SAMHD1: variants seen among roughly 807,000 people sequenced by gnomAD.
The protein encoded by SAMHD1 is deoxynucleoside triphosphate triphosphohydrolase SAMHD1.
In SAMHD1, 54 loss-of-function variants were observed where a neutral mutation model predicts 79.6. The observed-to-expected ratio is 0.68, with a 90% CI of 0.55 to 0.85. SAMHD1 has a LOEUF of 0.85. SAMHD1 is among the 40% of genes least tolerant of loss of function. SAMHD1 has a pLI of 0.00. For missense variants in SAMHD1, 663 were observed against 782.7 expected (o/e 0.85, Z 1.82); for synonymous variants, 260 against 264.1 (o/e 0.98, Z 0.15).
At chr20:36,951,213 C>T (rs1374308247) in intron 1 of SAMHD1, among the ~76,000 whole-genome samples, 1 of 152,226 alleles carries the variant, frequency 6.6e-6, no homozygotes, top group Non-Finnish European at 1.5e-5. Flanking sequence ...CCCGGGAGCC[C>T]CATGCCGCAG....
intron 2 of SAMHD1, among the ~76,000 whole-genome samples, chr20:36,944,786 C>T (rs550410000): frequency 6.6e-6 from 1 of 151,842 alleles, no homozygotes; most frequent in East Asian, 2.0e-4. Flanking sequence ...CCCAGCTACT[C>T]GGGAGGCTGA....
At chr20:36,932,796 G>A (rs1601142717) in intron 4 of SAMHD1, among the ~76,000 whole-genome samples, 2 of 152,108 alleles carry the variant, frequency 1.3e-5, no homozygotes, top group African/African-American at 4.8e-5. Flanking sequence ...GTTTGGTTTT[G>A]TAAGATGATA....
chr20:36,935,083 C>G lies in SAMHD1; in HGVS notation c.455G>C (p.Gly152Ala). The change falls in exon 4 of 16, where the codon GGT becomes GCT. Residue 152 changes from glycine (G) to alanine (A), a missense_variant. Coordinates refer to ENST00000646673, the MANE Select transcript of SAMHD1 (RefSeq NM_015474.4). ...AGCTCCTGGAAAAACATAGTAACCA[C>G]CTCCCAGCTGTTTGATGTATCGAAG... ...QRLRYIKQLG[G>A]GYYVFPGASH... is the part of the protein sequence containing the mutation. 6.2e-7 allele frequency: 1 copy of G among 1,614,090 alleles called. No homozygotes were observed. Among genetic ancestry groups the G allele is most frequent in the African/African-American group, 1.3e-5 (1 of 75,020 alleles).
At chr20:36,904,073 A>C in intron 13 of SAMHD1, 84 bp downstream of exon 13, 2 of 964,100 alleles carry the variant, frequency 2.1e-6, no homozygotes, top group Non-Finnish European at 3.4e-6. Flanking sequence ...AATTTGCTAA[A>C]ATGAACATGT....
rs761616206 is a variant in SAMHD1, at chr20:36,912,525, G to A, written c.1090C>T (p.His364Tyr). ...CTACGGTGTAAAGAGTTGCGAGTGT[G>A]GAACATGTCATACAGATTTCCAACT... is the stretch of plus-strand genomic sequence containing the variant. The part of the protein sequence containing the change: ...KEVGNLYDMF[H>Y]TRNSLHRRAY... The change falls in exon 10 of 16, where the codon CAC (histidine) becomes TAC (tyrosine). Residue 364 changes from histidine (H) to tyrosine (Y), a missense_variant. Transcript: ENST00000646673. The A allele has an allele frequency of 6.2e-7, 1 of 1,612,848 alleles. No individual in the cohort carries two copies. The highest frequency in any genetic ancestry group is 1.1e-5 in the South Asian group (1 of 91,044).
At position 36,911,233 on chromosome 20, in the gene SAMHD1, A is replaced by G. The variant is rs1312001484; in HGVS notation, c.1255T>C (p.Tyr419His). 1 of 1,611,664 alleles carries G rather than the reference A, an allele frequency of 6.2e-7. No homozygotes were observed. Among genetic ancestry groups the G allele is most frequent in the Non-Finnish European group, 8.5e-7 (1 of 1,178,328 alleles). Reference protein sequence around the residue: ...ISTAIDDMEAYTKLTDNIFLE... With the variant: ...ISTAIDDMEAHTKLTDNIFLE... ...TACTTCTTACCTGTCAGCTTAGTAT[A>G]GGCTTCCATGTCGTCAATTGCTGTA... The change falls in exon 11 of 16, where the codon TAT becomes CAT. Residue 419 changes from tyrosine (Y) to histidine (H), a missense_variant. Physicochemically the swap from Tyr to His is moderately conservative, Grantham distance 83. Transcript: ENST00000646673.
chr20:36,946,921 G>T, intron 1 of SAMHD1, 117 bp from the exon 2 acceptor site: 1 of 744,376 alleles, frequency 1.3e-6, no homozygotes, highest in Non-Finnish European at 2.3e-6. Flanking sequence ...TGCAGGCAAT[G>T]GATTGTGCCA....
rs1179241546 is a variant in SAMHD1 at position 36,891,627 on chromosome 20, T to C, written c.*1305A>G. ...CCACTCCACTGCTGGGAAAACGAAG[T>C]TACCTAGCGGAGCCTGGAGCCCACT... On this transcript the variant is annotated 3_prime_UTR_variant, in exon 16 of 16. Transcript: ENST00000646673. The C allele has an allele frequency of 6.6e-6, 1 of 152,224 alleles. No homozygotes were observed. Among genetic ancestry groups the C allele is most frequent in the Non-Finnish European group, 1.5e-5 (1 of 68,076 alleles). The allele number at this position is 152,224 out of a possible 1,614,324, so 9.4% of individuals were successfully genotyped here.
intron 4 of SAMHD1, among the ~76,000 whole-genome samples, chr20:36,933,717 A>G (rs1157170104): frequency 1.3e-5 from 2 of 151,922 alleles, no homozygotes; most frequent in East Asian, 3.9e-4. Flanking sequence ...TCTCGAACTC[A>G]TGATCTCAAG....
rs374561117 is a variant in SAMHD1, at chr20:36,905,363, C to T, written c.1410+1G>A. ...TAATGGAAAGATGCCTGATAACTCA[C>T]CCTTTTAATCTTTATTTGTCCTGTT... On this transcript the variant is annotated splice_donor_variant, in intron 12 of 15. Coordinates refer to ENST00000646673, the MANE Select transcript of SAMHD1 (RefSeq NM_015474.4). LOFTEE classifies it high-confidence loss of function. The T allele has an allele frequency of 1.2e-6, 2 of 1,614,004 alleles. No homozygotes were observed. The highest frequency in any genetic ancestry group is 2.7e-5 in the African/African-American group (2 of 75,028).
rs575956016 is a variant in SAMHD1 at position 36,930,413 on chromosome 20, T to C, written c.625+347A>G. ...CGGGAGGCTGAGGCACGAGAATTGC[T>C]TGAAACCAGGAAGCGGAGGTTGCAG... On this transcript the variant is annotated intron_variant, in intron 5 of 15. Coordinates refer to ENST00000646673, the MANE Select transcript of SAMHD1 (RefSeq NM_015474.4). Among the ~76,000 whole-genome samples, 55 of 152,158 alleles carry C rather than the reference T, an allele frequency of 3.6e-4. 1 individual carries two copies. In the South Asian group the frequency reaches 0.01, roughly 29 times the overall value.
intron 13 of SAMHD1, among the ~76,000 whole-genome samples, chr20:36,903,716 AT>A (rs1212472789): frequency 6.6e-6 from 1 of 151,388 alleles, no homozygotes; most frequent in African/African-American, 2.4e-5. Flanking sequence ...AGCCCGGCTA[AT>A]TTTTTTGTAT....
intron 6 of SAMHD1, 63 bp from the exon 7 acceptor site, chr20:36,919,582 C>A: frequency 1.4e-6 from 2 of 1,429,698 alleles, no homozygotes; most frequent in Non-Finnish European, 2.0e-6. Context: ...CCCTGACTAA[C>A]AAAATTATCC....
Position 36,951,540 on chromosome 20 carries a change from C to T in SAMHD1, c.104G>A (p.Gly35Asp), listed in dbSNP as rs751026561. Residue 35 changes from glycine to aspartate, a missense_variant, in exon 1 of 16, where the codon GGC becomes GAC. Coordinates refer to ENST00000646673, the MANE Select transcript of SAMHD1 (RefSeq NM_015474.4). Reference protein sequence around the residue: ...TPSAEADWSPGLELHPDYKTW... With the variant: ...TPSAEADWSPDLELHPDYKTW... The stretch of plus-strand genomic sequence containing the variant: ...CTTGTAGTCGGGATGGAGTTCCAGG[C>T]CCGGGGACCAGTCTGCCTCTGCGGA... The T allele has an allele frequency of 6.2e-7, 1 of 1,614,206 alleles. No homozygotes were observed. Among genetic ancestry groups the T allele is most frequent in the Non-Finnish European group, 8.5e-7 (1 of 1,180,018 alleles).
At chr20:36,918,770 C>A (rs2063489161) in intron 7 of SAMHD1, among the ~76,000 whole-genome samples, 1 of 137,568 alleles carries the variant, frequency 7.3e-6, no homozygotes, top group Non-Finnish European at 1.5e-5. Flanking sequence ...CCACTGTACT[C>A]CAGCCTGGCC....
Position 36,892,900 on chromosome 20 carries a change from G to C in SAMHD1, c.*32C>G. ...AAGCCTCTAAATGAATTGTGCAGGA[G>C]AGGGAGTTTGTAAACAACTGACTAC... On this transcript the variant is annotated 3_prime_UTR_variant, in exon 16 of 16. Coordinates refer to ENST00000646673, the MANE Select transcript of SAMHD1 (RefSeq NM_015474.4). 6.2e-7 allele frequency: 1 copy of C among 1,613,376 alleles called. No homozygotes were observed. The highest frequency in any genetic ancestry group is 8.5e-7 in the Non-Finnish European group (1 of 1,179,372).
At chr20:36,914,912 T>G (rs1407459439) in intron 9 of SAMHD1, among the ~76,000 whole-genome samples, 1 of 150,480 alleles carries the variant, frequency 6.6e-6, no homozygotes, top group Non-Finnish European at 1.5e-5. Context: ...TTCGGGAAGC[T>G]GAAGTGGGAG....
chr20:36,949,674 T>C (rs2063720042), intron 1 of SAMHD1, among the ~76,000 whole-genome samples: 1 of 146,564 alleles, frequency 6.8e-6, no homozygotes. Flanking sequence ...GGAGAATAGC[T>C]TGAACCAGGC....
intron 6 of SAMHD1, 58 bp from the exon 7 acceptor site, chr20:36,919,577 A>T: frequency 6.6e-7 from 1 of 1,520,708 alleles, no homozygotes; most frequent in Admixed American, 1.7e-5. Flanking sequence ...GGGAGCCCTG[A>T]CTAACAAAAT....
Sources: gnomAD v4.1 joint callset for allele counts (sites outside exome capture counted in the v4.1 genomes callset) on GRCh38, gnomAD v4.1.1 for gene constraint, MANE v1.5 for transcripts, NCBI Gene and HGNC (gene_info 2026-07-23, HGNC 2026-07-21) for gene names.